The following C22orf23 variants were observed in gnomAD, a reference collection of about 807,000 sequenced individuals.
The protein encoded by C22orf23 is UPF0193 protein EVG1.
In C22orf23, 30 loss-of-function variants were observed where a neutral mutation model predicts 29.7. The observed-to-expected ratio is 1.01, with a 90% CI of 0.76 to 1.37. The LOEUF is 1.37. Ranked by LOEUF, C22orf23 falls within the 40% of genes most tolerant of loss-of-function variation. The pLI is 0.00. For missense variants in C22orf23, 237 were observed against 273.1 expected, an observed-to-expected ratio of 0.87 and a Z score of 0.93; for synonymous variants, 90 against 96.1, an observed-to-expected ratio of 0.94 and a Z score of 0.37.
At chr22:37,949,621 G>A (rs943595116) in intron 3 of C22orf23, among the ~76,000 whole-genome samples, 3 of 151,380 alleles carry the variant, frequency 2.0e-5, no homozygotes, top group African/African-American at 7.3e-5. Context: ...ACCACACCTG[G>A]CTAATTTTTG....
At position 37,946,358 on chromosome 22, in the gene C22orf23, G is replaced by A. The variant is rs558780301; in HGVS notation, c.349+923C>T. Among the ~76,000 whole-genome samples, 10 of 152,132 alleles carry A rather than the reference G, an allele frequency of 6.6e-5. No individual in the cohort carries two copies. In the South Asian group the frequency reaches 1.2e-3, roughly 19 times the overall value. On this transcript the variant is annotated intron_variant, in intron 4 of 6. Transcript: ENST00000403305. ...TGAGAATTGCCTGAACCCAGGAGGT[G>A]GAGGTTGCAGTGAGCCGAGATCGTG...
intron 2 of C22orf23, 31 bp downstream of exon 2, chr22:37,953,016 A>G: frequency 6.5e-7 from 1 of 1,546,276 alleles, no homozygotes; most frequent in South Asian, 1.1e-5. Context: ...TGGTGCCAAA[A>G]AGGCTGGGAT....
At chr22:37,953,614 A>G, upstream of C22orf23, 2 of 716,852 alleles carry the variant, frequency 2.8e-6, no homozygotes. Context: ...AAACGCGCAC[A>G]CACCAGTCAG....
intron 5 of C22orf23, chr22:37,944,776 G>A: frequency 1.8e-6 from 1 of 568,232 alleles, no homozygotes; most frequent in East Asian, 3.0e-5. Context: ...GCGGGCGCTG[G>A]TAATCCCAGC....
In C22orf23 at chr22:37,953,155, G is replaced by T. The variant is rs186387255; in HGVS notation, c.-6C>A. 261 of 1,607,808 alleles carry T rather than the reference G, an allele frequency of 1.6e-4. No homozygotes were observed. The highest frequency in any genetic ancestry group is 2.2e-4 in the Non-Finnish European group (253 of 1,175,174). On this transcript the variant is annotated 5_prime_UTR_variant, in exon 2 of 7. Coordinates refer to ENST00000403305, the MANE Select transcript of C22orf23 (RefSeq NM_032561.5). Reference sequence around the variant, plus strand: ...ATCTGCTTCTGTGAAGCCATGGGAGGACTCTGAGGAGGGAAAGACGCAATG... The same window carrying T: ...ATCTGCTTCTGTGAAGCCATGGGAGTACTCTGAGGAGGGAAAGACGCAATG...
At position 37,947,237 on chromosome 22, in the gene C22orf23, C is replaced by T. The variant is rs781236079; in HGVS notation, c.349+44G>A. 8.1e-6 allele frequency: 13 copies of T among 1,603,712 alleles called. No homozygotes were observed. In the East Asian group the frequency reaches 8.9e-5, roughly 11 times the overall value. ...GCTTGCGTCCCTCTCCCTTGTCCTC[C>T]CCCAGGGAGATGGAGAAAGGCCCTA... On this transcript the variant is annotated intron_variant, in intron 4 of 6. Coordinates refer to ENST00000403305, the MANE Select transcript of C22orf23 (RefSeq NM_032561.5).
intron 1 of C22orf23, 66 bp downstream of exon 1, chr22:37,953,382 G>A (rs1423243356): frequency 2.8e-5 from 16 of 574,344 alleles, no homozygotes; most frequent in Non-Finnish European, 4.3e-5. Flanking sequence ...TCCTCGGGAG[G>A]GAGTGTTAAC....
At chr22:37,951,797 CTTTTTTTTTTTTTTTTTTTT>C (rs551481283) in intron 2 of C22orf23, 10 of 38,744 alleles carry the variant, frequency 2.6e-4, no homozygotes, top group Non-Finnish European at 4.1e-4. Flanking sequence ...TCCTCTTTCT[CTTTTTTTTTTTTTTTTTTTT>C]TTTTTTTTTT....
chr22:37,949,981 G>A lies in C22orf23; in HGVS notation c.166+1479C>T, dbSNP rs8137107. 3.5e-3 allele frequency among the ~76,000 whole-genome samples: 538 copies of A among 152,108 alleles called. 4 individuals carry two copies. Among genetic ancestry groups the A allele is most frequent in the African/African-American group, 0.012 (492 of 41,506 alleles). On this transcript the variant is annotated intron_variant, in intron 3 of 6. Transcript: ENST00000403305. ...GCTTCCTGAGTAGCTGGGACTACAG[G>A]TACACCCCAGTATGTATGTGTTTTG...
At chr22:37,947,937 C>T (rs993099031) in intron 3 of C22orf23, among the ~76,000 whole-genome samples, 13 of 151,560 alleles carry the variant, frequency 8.6e-5, no homozygotes, top group African/African-American at 3.2e-4. Context: ...GTAACCCTGT[C>T]TGTACTAAAA....
chr22:37,946,437 G>C (rs1178929941), intron 4 of C22orf23, among the ~76,000 whole-genome samples: 1 of 151,856 alleles, frequency 6.6e-6, no homozygotes, highest in Non-Finnish European at 1.5e-5. Flanking sequence ...AAAAAAGCTG[G>C]GTGTGGGGAA....
rs1259422597 is a variant in C22orf23, at chr22:37,944,591, G to A, written c.482-74C>T. On this transcript the variant is annotated intron_variant, in intron 5 of 6. Transcript: ENST00000403305. ...GGGTTGCCTCTCTTGAGGAGAGGAA[G>A]TGGTTCTATTGTCAAATAGTGTTTC... 2.3e-6 allele frequency: 3 copies of A among 1,314,620 alleles called. No homozygotes were observed. The African/African-American group carries it at 4.4e-5, about 19-fold the overall frequency. 81.4% of individuals were successfully genotyped at this position (1,314,620 alleles called of 1,614,324 possible). A position where few individuals can be genotyped will look rare whatever the true frequency, so the allele number is the denominator to read the frequency against.
rs1395177582 is a variant in C22orf23, at chr22:37,945,175, T to G, written c.350-2A>C. ...TTTGTTTCTCCTTCTCCAAATCCCCTGTAGGGCCAAAAAGAAATGGCCTAG... is the reference window on the plus strand; with the variant it reads ...TTTGTTTCTCCTTCTCCAAATCCCCGGTAGGGCCAAAAAGAAATGGCCTAG... On this transcript the variant is annotated splice_acceptor_variant, in intron 4 of 6. Coordinates refer to ENST00000403305, the MANE Select transcript of C22orf23 (RefSeq NM_032561.5). LOFTEE classifies it high-confidence loss of function. The G allele has an allele frequency of 6.2e-7, 1 of 1,609,504 alleles. No homozygotes were observed. Among genetic ancestry groups the G allele is most frequent in the Admixed American group, 1.7e-5 (1 of 58,930 alleles).
At chr22:37,947,490 G>A (rs763075020) in intron 3 of C22orf23, 27 bp from the exon 4 acceptor site, 3 of 1,394,204 alleles carry the variant, frequency 2.2e-6, no homozygotes, top group Non-Finnish European at 2.9e-6. Context: ...TGGGGTGGGA[G>A]GACCCACATG....
At chr22:37,946,491 G>A (rs1297768579) in intron 4 of C22orf23, among the ~76,000 whole-genome samples, 1 of 151,120 alleles carries the variant, frequency 6.6e-6, no homozygotes, top group Non-Finnish European at 1.5e-5. Context: ...CAGGAGGATT[G>A]CTTGAGCTCA....
chr22:37,947,502 C>CTTTTT (rs11359710), intron 3 of C22orf23, 39 bp from the exon 4 acceptor site: 4 of 321,278 alleles, frequency 1.2e-5, no homozygotes, highest in South Asian at 3.5e-5. Context: ...ACCCACATGG[C>CTTTTT]TTTTTTTTTT....
chr22:37,945,564 G>A (rs1377770458), intron 4 of C22orf23, among the ~76,000 whole-genome samples: 3 of 147,308 alleles, frequency 2.0e-5, no homozygotes, highest in Non-Finnish European at 3.0e-5. Flanking sequence ...ATACAATTTC[G>A]GCTCACTGCA....
At position 37,949,169 on chromosome 22, in the gene C22orf23, G is replaced by A. The variant is rs949759607; in HGVS notation, c.167-1706C>T. On this transcript the variant is annotated intron_variant, in intron 3 of 6. Coordinates refer to ENST00000403305, the MANE Select transcript of C22orf23 (RefSeq NM_032561.5). ...TATCCCTCCTGCTGTCCATCCCCCC[G>A]CTTGGCCATCCCTGGGGCTTCTCCC... is the stretch of plus-strand genomic sequence containing the variant. Among the ~76,000 whole-genome samples the A allele has an allele frequency of 6.6e-5, 10 of 151,944 alleles. No homozygotes were observed. In the East Asian group the frequency reaches 1.7e-3, roughly 26 times the overall value.
chr22:37,949,465 T>A (rs1209514855), intron 3 of C22orf23, among the ~76,000 whole-genome samples: 3 of 145,658 alleles, frequency 2.1e-5, no homozygotes, highest in Non-Finnish European at 4.5e-5. Context: ...TTTTTTTTTT[T>A]TTTTTTTTTT....
Sources: gnomAD v4.1 joint callset for allele counts (sites outside exome capture counted in the v4.1 genomes callset) on GRCh38, gnomAD v4.1.1 for gene constraint, MANE v1.5 for transcripts, NCBI Gene and HGNC (gene_info 2026-07-23, HGNC 2026-07-21) for gene names.